WDPCP: variants seen among roughly 807,000 people sequenced by gnomAD.
The protein encoded by WDPCP is WD repeat-containing and planar cell polarity effector protein fritz homolog.
Under a neutral mutation model 93.1 loss-of-function variants are expected in WDPCP, and 71 were observed. That is an observed-to-expected ratio of 0.76 (90% CI 0.63 to 0.93). The LOEUF (loss-of-function observed/expected upper bound fraction) is 0.93, where lower values mean the gene tolerates loss of function less well. Ranked by LOEUF, WDPCP falls within the 40% of genes least tolerant of loss-of-function variation. The pLI is 0.00. For missense variants in WDPCP, 844 were observed against 887.4 expected (o/e 0.95, Z 0.62); for synonymous variants, 315 against 315.0 (o/e 1.00, Z 0.00).
chr2:63,717,094 G>T, intron 2 of WDPCP: 1 of 289,528 alleles, frequency 3.5e-6, no homozygotes, highest in Non-Finnish European at 6.6e-6. Flanking sequence ...CCCTCCTTCT[G>T]TCTCCACTAT....
intron 6 of WDPCP, among the ~76,000 whole-genome samples, chr2:63,466,583 A>T (rs545877534): frequency 6.6e-6 from 1 of 152,298 alleles, no homozygotes; most frequent in South Asian, 2.1e-4. Flanking sequence ...AAACCTGATT[A>T]AAAAATCAGT....
At position 63,605,479 on chromosome 2, in the gene WDPCP, T is replaced by G. The variant is rs917153915; in HGVS notation, n.488+45180A>C. On this transcript the variant is annotated intron_variant and non_coding_transcript_variant, in intron 3 of 4. Coordinates refer to the WDPCP transcript ENST00000467687. ...TATAAAAAGAATATAGCCTTAGCAG[T>G]CAGTCAGGTTAGGTTCATTTCTCAG... 1.1e-5 allele frequency: 11 copies of G among 973,488 alleles called. No homozygotes were observed. The South Asian group carries it at 1.5e-4, about 13-fold the overall frequency. The allele number at this position is 973,488 out of a possible 1,614,324, so 60.3% of individuals were successfully genotyped here.
At chr2:63,433,364 G>C (rs1696904868) in intron 9 of WDPCP, among the ~76,000 whole-genome samples, 1 of 152,148 alleles carries the variant, frequency 6.6e-6, no homozygotes, top group African/African-American at 2.4e-5. Flanking sequence ...ATAATAACAA[G>C]AGTCATAACA....
chr2:63,486,419 C>T, intron 4 of WDPCP, 123 bp downstream of exon 4: 5 of 789,934 alleles, frequency 6.3e-6, no homozygotes, highest in Admixed American at 2.6e-5. Flanking sequence ...GTTTATATTC[C>T]TAAGTAATAG....
At chr2:63,139,175 A>G (rs1373299536) in intron 17 of WDPCP, among the ~76,000 whole-genome samples, 1 of 149,074 alleles carries the variant, frequency 6.7e-6, no homozygotes, top group Admixed American at 6.7e-5. Context: ...GTGTATACAC[A>G]CACACACACA....
chr2:63,642,799 G>T (rs1019423416), intron 3 of WDPCP: 1 of 151,972 alleles, frequency 6.6e-6, no homozygotes, highest in South Asian at 2.1e-4. Flanking sequence ...TTCCATTTTG[G>T]AGACCCTTTA....
At chr2:63,363,511 C>T (rs1829259) in intron 12 of WDPCP, among the ~76,000 whole-genome samples, 83,478 of 151,802 alleles carry the variant, frequency 0.55, 23,277 homozygotes, top group Admixed American at 0.63. Context: ...GGTGGGACGA[C>T]TGATTGAGCC....
In WDPCP at chr2:63,598,617, T is replaced by C. The variant is rs57702773; in HGVS notation, n.488+52042A>G. ...TTCTATCAATAACATTTCATAGATA[T>C]CTGCATTTTTTGCTTTCTGTGCACT... On this transcript the variant is annotated intron_variant and non_coding_transcript_variant, in intron 3 of 4. Transcript: ENST00000467687. 9.4e-3 allele frequency among the ~76,000 whole-genome samples: 1,430 copies of C among 152,318 alleles called. 20 individuals carry two copies. The highest frequency in any genetic ancestry group is 0.032 in the African/African-American group (1,313 of 41,552).
chr2:63,801,602 C>T (rs1670695657), intron 2 of WDPCP, among the ~76,000 whole-genome samples: 1 of 152,172 alleles, frequency 6.6e-6, no homozygotes, highest in African/African-American at 2.4e-5. Flanking sequence ...CTCCTCCCTG[C>T]GATTGGCTAC....
At chr2:63,473,268 C>T (rs1184244953) in intron 6 of WDPCP, among the ~76,000 whole-genome samples, 1 of 152,118 alleles carries the variant, frequency 6.6e-6, no homozygotes, top group Non-Finnish European at 1.5e-5. Flanking sequence ...AGACATAAGC[C>T]TTGTTGCTGG....
chr2:63,461,107 G>A (rs989883454), intron 6 of WDPCP, among the ~76,000 whole-genome samples: 6 of 152,152 alleles, frequency 3.9e-5, no homozygotes, highest in African/African-American at 1.4e-4. Context: ...GCAGAGCTAG[G>A]AATGGTGCAT....
chr2:63,588,649 C>T (rs1439144902), upstream of WDPCP: 4 of 485,122 alleles, frequency 8.2e-6, no homozygotes, highest in African/African-American at 3.9e-5. Context: ...TTCTCCCCTC[C>T]CTAGAGTTAC....
intron 17 of WDPCP, among the ~76,000 whole-genome samples, chr2:63,128,514 T>C (rs1670070129): frequency 6.6e-6 from 1 of 152,202 alleles, no homozygotes; most frequent in Non-Finnish European, 1.5e-5. Context: ...TACCACTTTA[T>C]TTTTAAGTGT....
chr2:63,328,591 G>C (rs1402427212), intron 12 of WDPCP, among the ~76,000 whole-genome samples: 2 of 152,162 alleles, frequency 1.3e-5, no homozygotes, highest in Non-Finnish European at 2.9e-5. Context: ...TTTAAGAACT[G>C]TAACACTCAC....
intron 1 of WDPCP, among the ~76,000 whole-genome samples, chr2:63,547,078 T>C (rs1368840655): frequency 6.6e-6 from 1 of 151,952 alleles, no homozygotes; most frequent in African/African-American, 2.4e-5. Flanking sequence ...AATAATTCTA[T>C]TAAAACATAG....
chr2:63,352,938 C>G (rs574610880), intron 12 of WDPCP, among the ~76,000 whole-genome samples: 1 of 151,994 alleles, frequency 6.6e-6, no homozygotes, highest in Non-Finnish European at 1.5e-5. Context: ...AGGTAGTGGC[C>G]CTTTCTAATA....
At chr2:63,134,669 TTA>T (rs1303490640) in intron 17 of WDPCP, among the ~76,000 whole-genome samples, 2 of 152,252 alleles carry the variant, frequency 1.3e-5, no homozygotes, top group Non-Finnish European at 2.9e-5. Context: ...ATTGCTTCAT[TTA>T]TTAGTGACCT....
chr2:63,586,033 T>C (rs541761617), intron 1 of WDPCP, among the ~76,000 whole-genome samples: 4 of 152,138 alleles, frequency 2.6e-5, no homozygotes, highest in Non-Finnish European at 5.9e-5. Context: ...TCTCAGTATA[T>C]TGCCCAGGCT....
At chr2:63,487,548 A>G (rs1165483823) in intron 2 of WDPCP, 54 bp from the exon 3 acceptor site, 9 of 1,348,820 alleles carry the variant, frequency 6.7e-6, no homozygotes, top group Non-Finnish European at 9.5e-6. Context: ...CCAGAGAATA[A>G]GAAGCCAAGC....
Sources: allele counts gnomAD v4.1 joint callset (sites outside exome capture counted in the v4.1 genomes callset), GRCh38; gene constraint gnomAD v4.1.1; transcripts MANE v1.5; gene names NCBI Gene and HGNC (gene_info 2026-07-23, HGNC 2026-07-21).